The following RAD51B variants were observed in gnomAD, a reference collection of about 807,000 sequenced individuals.
RAD51B encodes the protein RAD51 paralog B, also known as DNA repair protein RAD51 homolog 2.
RAD51B carries 38 observed loss-of-function variants against 42.2 expected under a neutral mutation model. That is an observed-to-expected ratio of 0.90 (90% confidence interval 0.70 to 1.18). The LOEUF (loss-of-function observed/expected upper bound fraction) is 1.18. RAD51B is among the 50% of genes most tolerant of loss of function. The pLI is 0.00. For missense variants in RAD51B, 373 were observed against 400.7 expected, an observed-to-expected ratio of 0.93 and a Z score of 0.59; for synonymous variants, 154 against 145.2, an observed-to-expected ratio of 1.06 and a Z score of -0.43.
intron 9 of RAD51B, among the ~76,000 whole-genome samples, chr14:68,415,800 C>A (rs1249950662): frequency 6.6e-6 from 1 of 152,176 alleles, no homozygotes; most frequent in Non-Finnish European, 1.5e-5. Context: ...TATACAATTT[C>A]TCCTCAAATC....
intron 7 of RAD51B, among the ~76,000 whole-genome samples, chr14:68,030,882 C>T (rs2140369733): frequency 6.6e-6 from 1 of 152,182 alleles, no homozygotes; most frequent in South Asian, 2.1e-4. Context: ...TATTAATTGG[C>T]CTGATTTCAA....
intron 7 of RAD51B, among the ~76,000 whole-genome samples, chr14:68,284,019 TGAG>T (rs1247988127): frequency 2.0e-5 from 3 of 152,248 alleles, no homozygotes; most frequent in Non-Finnish European, 4.4e-5. Context: ...TGTGCAAAGC[TGAG>T]GAGATTTTTT....
exon 11 of RAD51B, chr14:68,595,745 A>G (rs1310129358): frequency 1.6e-6 from 1 of 617,908 alleles, no homozygotes; most frequent in Non-Finnish European, 2.1e-6. Context: ...ATGTGTCAGA[A>G]GAAGGCTTAA....
rs552753130 is a variant in RAD51B at position 68,590,716 on chromosome 14, T to G, written c.1037-3769T>G. On this transcript the variant is annotated intron_variant, in intron 10 of 10. Coordinates refer to the RAD51B transcript ENST00000487270. Reference sequence around the variant, plus strand: ...CCACAAGAGGCCATCTAACCTCAAATTCTCTGTGTCTCTGCAGCCCTTCTT... The same window carrying G: ...CCACAAGAGGCCATCTAACCTCAAAGTCTCTGTGTCTCTGCAGCCCTTCTT... Among the ~76,000 whole-genome samples, 230 of 151,902 alleles carry G rather than the reference T, an allele frequency of 1.5e-3. 2 individuals are homozygous for G. Among genetic ancestry groups the G allele is most frequent in the African/African-American group, 5.4e-3 (221 of 41,174 alleles).
intron 7 of RAD51B, among the ~76,000 whole-genome samples, chr14:68,186,514 A>C (rs1243412685): frequency 6.6e-6 from 1 of 152,214 alleles, no homozygotes; most frequent in Non-Finnish European, 1.5e-5. Flanking sequence ...TGAACAGTTG[A>C]ACAGCAAAAC....
intron 8 of RAD51B, among the ~76,000 whole-genome samples, chr14:68,378,436 T>C (rs1858416231): frequency 2.0e-5 from 3 of 152,214 alleles, no homozygotes; most frequent in Admixed American, 6.5e-5. Flanking sequence ...TGAAGAGATA[T>C]ATGGTCTGTT....
rs370160687 is a variant in RAD51B at position 68,329,934 on chromosome 14, A to T, written c.853+37954A>T. ...GAGGTGGAGTGTGCAGTGAGCCGAGATCGTGCCACAGCACTCCAGCCTGGG... is the reference window on the plus strand; with the variant it reads ...GAGGTGGAGTGTGCAGTGAGCCGAGTTCGTGCCACAGCACTCCAGCCTGGG... On this transcript the variant is annotated intron_variant, in intron 8 of 10. Coordinates refer to ENST00000471583, the MANE Select transcript of RAD51B (RefSeq NM_133510.4). Among the ~76,000 whole-genome samples, 428 of 151,120 alleles carry T rather than the reference A, an allele frequency of 2.8e-3. 2 individuals carry two copies. The highest frequency in any genetic ancestry group is 9.5e-3 in the African/African-American group (389 of 40,934).
At chr14:68,032,076 A>ATG (rs2076055471) in intron 7 of RAD51B, among the ~76,000 whole-genome samples, 1 of 152,112 alleles carries the variant, frequency 6.6e-6, no homozygotes, top group Non-Finnish European at 1.5e-5. Flanking sequence ...TTACTATGAA[A>ATG]TCTTGGGCAA....
chr14:68,110,829 T>C (rs776931873), intron 7 of RAD51B, among the ~76,000 whole-genome samples: 9 of 152,028 alleles, frequency 5.9e-5, no homozygotes, highest in African/African-American at 9.7e-5. Context: ...CTCTCTTCCT[T>C]AAGAACTCAG....
chr14:68,270,795 A>T (rs182328146), intron 7 of RAD51B, among the ~76,000 whole-genome samples: 245 of 152,338 alleles, frequency 1.6e-3, no homozygotes, highest in African/African-American at 5.7e-3. Flanking sequence ...CTTTTATGGC[A>T]GATGAGCTAT....
intron 7 of RAD51B, among the ~76,000 whole-genome samples, chr14:68,026,711 C>G (rs1251335653): frequency 6.6e-6 from 1 of 151,888 alleles, no homozygotes; most frequent in African/African-American, 2.4e-5. Context: ...CTTTCTTTAT[C>G]TCTTTACTTG....
At chr14:68,378,594 T>A (rs1365594276) in intron 8 of RAD51B, among the ~76,000 whole-genome samples, 2 of 152,234 alleles carry the variant, frequency 1.3e-5, no homozygotes, top group African/African-American at 4.8e-5. Flanking sequence ...TTACTTATAA[T>A]ACCTCATACA....
At chr14:67,932,208 T>G (rs771028357) in intron 7 of RAD51B, among the ~76,000 whole-genome samples, 1 of 152,210 alleles carries the variant, frequency 6.6e-6, no homozygotes, top group Non-Finnish European at 1.5e-5. Context: ...AGCTCCTGCT[T>G]TTGGATTTTC....
At chr14:68,172,623 A>T (rs2078894473) in intron 7 of RAD51B, among the ~76,000 whole-genome samples, 1 of 152,178 alleles carries the variant, frequency 6.6e-6, no homozygotes, top group Non-Finnish European at 1.5e-5. Flanking sequence ...AGATTGACTG[A>T]TATTTCCCAA....
At chr14:68,033,155 C>G (rs2076073054) in intron 7 of RAD51B, among the ~76,000 whole-genome samples, 1 of 152,026 alleles carries the variant, frequency 6.6e-6, no homozygotes, top group Non-Finnish European at 1.5e-5. Context: ...CAATGCCTGG[C>G]CTATAGTAGA....
intron 7 of RAD51B, among the ~76,000 whole-genome samples, chr14:68,122,701 T>A (rs192929127): frequency 6.6e-6 from 1 of 152,350 alleles, no homozygotes; most frequent in East Asian, 1.9e-4. Flanking sequence ...CCTACATTTG[T>A]GTTTTTCATT....
chr14:68,611,450 A>T lies in RAD51B; in HGVS notation c.*203A>T, dbSNP rs1595026924. Reference sequence around the variant, plus strand: ...CTACAACCCTTGATCCCCACGTGAGATCTCATTTCCTCCAGCTGGGTCTTC... The same window carrying T: ...CTACAACCCTTGATCCCCACGTGAGTTCTCATTTCCTCCAGCTGGGTCTTC... On this transcript the variant is annotated 3_prime_UTR_variant, in exon 11 of 11. Coordinates refer to the RAD51B transcript ENST00000487861. The T allele has an allele frequency of 8.6e-6, 5 of 579,538 alleles. No individual in the cohort carries two copies. In the East Asian group the frequency reaches 1.4e-4, roughly 17 times the overall value. 35.9% of individuals were successfully genotyped at this position (579,538 alleles called of 1,614,324 possible).
chr14:68,522,452 C>T (rs531730049), intron 10 of RAD51B, among the ~76,000 whole-genome samples: 2 of 152,126 alleles, frequency 1.3e-5, no homozygotes, highest in East Asian at 1.9e-4. Flanking sequence ...TTACCCTCAC[C>T]GTTTCTGGGA....
chr14:68,019,900 G>A (rs1566582994), intron 7 of RAD51B, among the ~76,000 whole-genome samples: 1 of 152,158 alleles, frequency 6.6e-6, no homozygotes, highest in Non-Finnish European at 1.5e-5. Context: ...TTCCCTGTAA[G>A]GACATTTCTG....
Sources: allele counts gnomAD v4.1 joint callset (sites outside exome capture counted in the v4.1 genomes callset), GRCh38; gene constraint gnomAD v4.1.1; transcripts MANE v1.5; gene names NCBI Gene and HGNC (gene_info 2026-07-23, HGNC 2026-07-21).